KREMEN1: variants seen among roughly 807,000 people sequenced by gnomAD.
KREMEN1 encodes the protein kringle containing transmembrane protein 1.
In KREMEN1, 30 loss-of-function variants were observed where a neutral mutation model predicts 46.5. The ratio of observed to expected loss-of-function variants is 0.65; its 90% CI spans 0.48 to 0.88. The LOEUF (loss-of-function observed/expected upper bound fraction) is 0.88. KREMEN1 is among the 40% of genes least tolerant of loss of function. The probability of loss-of-function intolerance (pLI) is 0.00; values close to 1 mark genes in which losing one functional copy is unlikely to be tolerated. For missense variants in KREMEN1, 533 were observed against 596.9 expected (o/e 0.89, Z 1.11); for synonymous variants, 214 against 230.6 (o/e 0.93, Z 0.65).
intron 1 of KREMEN1, among the ~76,000 whole-genome samples, chr22:29,092,504 A>G (rs554937849): frequency 6.6e-6 from 1 of 152,246 alleles, no homozygotes; most frequent in African/African-American, 2.4e-5. Context: ...GGTCCAGGAC[A>G]AGAAGCCAAG....
chr22:29,162,651 G>A (rs888336870), intron 9 of KREMEN1, among the ~76,000 whole-genome samples: 1 of 152,014 alleles, frequency 6.6e-6, no homozygotes, highest in African/African-American at 2.4e-5. Context: ...GGTGGAGGCT[G>A]CAGTGAACCG....
Position 29,143,174 on chromosome 22 carries a change from A to G in KREMEN1, c.*1062A>G. The G allele has an allele frequency of 1.0e-6, 1 of 977,884 alleles. No homozygotes were observed. Among genetic ancestry groups the G allele is most frequent in the Non-Finnish European group, 1.2e-6 (1 of 827,432 alleles). The allele number at this position is 977,884 out of a possible 1,614,324, so 60.6% of individuals were successfully genotyped here. A position where few individuals can be genotyped will look rare whatever the true frequency, so the allele number is the denominator to read the frequency against. On this transcript the variant is annotated 3_prime_UTR_variant, in exon 9 of 9. Transcript: ENST00000400335. ...TCAAAAAAACAAAACACAAATAAAC[A>G]AAAAAAATCCATTCATTTACTCATG...
intron 4 of KREMEN1, among the ~76,000 whole-genome samples, chr22:29,124,292 G>T (rs1235857908): frequency 6.6e-6 from 1 of 152,136 alleles, no homozygotes; most frequent in Non-Finnish European, 1.5e-5. Context: ...CTGACTGAAA[G>T]AAGCCAGTCT....
At position 29,142,010 on chromosome 22, in the gene KREMEN1, C is replaced by T. The variant is rs1468150898; in HGVS notation, c.1275C>T (p.Ile425=). Residue 425 remains isoleucine, a synonymous_variant, in exon 9 of 9, where the codon ATC becomes ATT. Coordinates refer to ENST00000400335, the MANE Select transcript of KREMEN1 (RefSeq NM_001039570.3). The part of the protein sequence containing the change: ...DCHQPGTSGE[I]WSIFYKPSTS... ...ATCAACCAGGGACTTCGGGGGAAATCTGGAGCATTTTTTACAAGCCTTCCA... is the reference window on the plus strand; with the variant it reads ...ATCAACCAGGGACTTCGGGGGAAATTTGGAGCATTTTTTACAAGCCTTCCA... The T allele has an allele frequency of 6.2e-7, 1 of 1,613,442 alleles. No individual in the cohort carries two copies. Among genetic ancestry groups the T allele is most frequent in the Non-Finnish European group, 8.5e-7 (1 of 1,179,732 alleles).
At chr22:29,118,080 C>T (rs1165718810) in intron 3 of KREMEN1, among the ~76,000 whole-genome samples, 4 of 152,190 alleles carry the variant, frequency 2.6e-5, no homozygotes, top group Admixed American at 2.6e-4. Flanking sequence ...TACTTTCAAC[C>T]TCACGTAGTT....
At chr22:29,078,667 A>G (rs1434444713) in intron 1 of KREMEN1, among the ~76,000 whole-genome samples, 2 of 152,244 alleles carry the variant, frequency 1.3e-5, no homozygotes, top group African/African-American at 4.8e-5. Context: ...AAACATTCAA[A>G]CATACCAAGT....
Position 29,144,357 on chromosome 22 carries a change from G to C in KREMEN1, c.*2245G>C. ...AGAGGTGCTTGGAGCTTCAGGCAGA[G>C]GGGCCTTCAGAGGAGGGAAACGGAG... On this transcript the variant is annotated 3_prime_UTR_variant, in exon 9 of 9. Transcript: ENST00000400335. The C allele has an allele frequency of 1.0e-6, 1 of 985,866 alleles. No homozygotes were observed. The highest frequency in any genetic ancestry group is 1.1e-4 in the East Asian group (1 of 8,816). The allele number at this position is 985,866 out of a possible 1,614,324, so 61.1% of individuals were successfully genotyped here. A position where few individuals can be genotyped will look rare whatever the true frequency, so the allele number is the denominator to read the frequency against.
chr22:29,152,027 G>A (rs904900700), intron 9 of KREMEN1, among the ~76,000 whole-genome samples: 1 of 114,088 alleles, frequency 8.8e-6, no homozygotes, highest in African/African-American at 2.9e-5. Context: ...AAAAAAAAAA[G>A]CACAGGAGTC....
chr22:29,131,657 T>TATATATGC lies in KREMEN1; in HGVS notation c.632-5679_632-5678insGCATATAT, dbSNP rs2038550428. On this transcript the variant is annotated intron_variant, in intron 5 of 8. Transcript: ENST00000400335. The stretch of plus-strand genomic sequence containing the variant: ...ATATATATGTGTGTATATATATGTA[T>TATATATGC]ATATATACATGTATATATATGCATA... 6.8e-5 allele frequency among the ~76,000 whole-genome samples: 7 copies of TATATATGC among 102,552 alleles called. No homozygotes were observed. In the East Asian group the frequency reaches 1.0e-3, roughly 15 times the overall value. The allele number at this position is 102,552 out of a possible 152,430, so 67.3% of individuals were successfully genotyped here. A position where few individuals can be genotyped will look rare whatever the true frequency, so the allele number is the denominator to read the frequency against.
intron 9 of KREMEN1, among the ~76,000 whole-genome samples, chr22:29,162,010 C>T (rs955381386): frequency 2.6e-5 from 4 of 151,312 alleles, no homozygotes; most frequent in African/African-American, 4.9e-5. Context: ...CCCAGCTCCT[C>T]GGGAGGCTGA....
At chr22:29,120,300 T>A (rs57599096) in intron 3 of KREMEN1, among the ~76,000 whole-genome samples, 106 of 61,818 alleles carry the variant, frequency 1.7e-3, no homozygotes, top group East Asian at 7.8e-3. Context: ...GAGGTGATGA[T>A]GGAAACAGGG....
chr22:29,131,601 T>C (rs999584088), intron 5 of KREMEN1, among the ~76,000 whole-genome samples: 3 of 134,908 alleles, frequency 2.2e-5, no homozygotes, highest in African/African-American at 5.9e-5. Context: ...TGTGTATATG[T>C]ATATATGTGT....
rs12170250 is a variant in KREMEN1, at chr22:29,142,742, C to T, written c.*630C>T. On this transcript the variant is annotated 3_prime_UTR_variant, in exon 9 of 9. Transcript: ENST00000400335. ...GCCTGGGAGGGTCTGAGAATAAGAT[C>T]TAGTGACCCCCATTTATATCAAACC... is the stretch of plus-strand genomic sequence containing the variant. 8,930 of 985,462 alleles carry T rather than the reference C, an allele frequency of 9.1e-3. 85 individuals are homozygous for T. Among genetic ancestry groups the T allele is most frequent in the Middle Eastern group, 0.029 (55 of 1,914 alleles). The allele number at this position is 985,462 out of a possible 1,614,324, so 61.0% of individuals were successfully genotyped here.
At chr22:29,161,236 G>C (rs778812390) in intron 9 of KREMEN1, among the ~76,000 whole-genome samples, 9 of 152,112 alleles carry the variant, frequency 5.9e-5, no homozygotes, top group Non-Finnish European at 1.2e-4. Flanking sequence ...GGCCAGGCGT[G>C]GTGGCTCATG....
chr22:29,160,443 G>A (rs2039001006), intron 9 of KREMEN1, among the ~76,000 whole-genome samples: 1 of 151,606 alleles, frequency 6.6e-6, no homozygotes, highest in Admixed American at 6.6e-5. Context: ...GGGAGGCTGA[G>A]GCAGGAGAAT....
intron 1 of KREMEN1, among the ~76,000 whole-genome samples, chr22:29,086,732 T>A (rs760128970): frequency 7.9e-5 from 12 of 152,136 alleles, no homozygotes; most frequent in Non-Finnish European, 1.5e-4. Context: ...ATGTGAATAT[T>A]TGACGGCACT....
chr22:29,118,896 G>C (rs1381427886), intron 3 of KREMEN1, among the ~76,000 whole-genome samples: 2 of 152,110 alleles, frequency 1.3e-5, no homozygotes, highest in African/African-American at 2.4e-5. Context: ...ACCTAACTCA[G>C]TCCCACAAGA....
rs999266966 is a variant in KREMEN1 at position 29,073,097 on chromosome 22, C to A, written c.-34C>A. 19 of 775,358 alleles carry A rather than the reference C, an allele frequency of 2.5e-5. No individual in the cohort carries two copies. The highest frequency in any genetic ancestry group is 6.1e-5 in the Admixed American group (1 of 16,266). 48.0% of individuals were successfully genotyped at this position (775,358 alleles called of 1,614,324 possible). On this transcript the variant is annotated 5_prime_UTR_variant, in exon 1 of 9. Coordinates refer to ENST00000400335, the MANE Select transcript of KREMEN1 (RefSeq NM_001039570.3). This position sits in a 1 kb window ranked among gnomAD's most constrained non-coding sequence, Gnocchi z 4.4. Reference sequence around the variant, plus strand: ...GCTCCCCGCGCTGCCCCCTTTACCCCGGGCCGCGCCCCGGGGCCCCGCACT... The same window carrying A: ...GCTCCCCGCGCTGCCCCCTTTACCCAGGGCCGCGCCCCGGGGCCCCGCACT...
At chr22:29,103,291 G>A (rs868325821) in intron 3 of KREMEN1, among the ~76,000 whole-genome samples, 5 of 152,164 alleles carry the variant, frequency 3.3e-5, no homozygotes, top group Middle Eastern at 3.2e-3. Context: ...CAGGGGGAAT[G>A]AATGTTTAGG....
Sources: gnomAD v4.1 joint callset for allele counts (sites outside exome capture counted in the v4.1 genomes callset) on GRCh38, gnomAD v4.1.1 for gene constraint, Gnocchi (gnomAD v3.1) non-coding constraint, MANE v1.5 for transcripts, NCBI Gene and HGNC (gene_info 2026-07-23, HGNC 2026-07-21) for gene names.